The following PSMB4 variants were observed in gnomAD, a reference collection of about 807,000 sequenced individuals.
PSMB4 encodes the protein proteasome 20S subunit beta 4.
A neutral mutation model predicts 35.2 loss-of-function variants in PSMB4; 16 were observed. The observed-to-expected ratio is 0.45, with a 90% CI of 0.31 to 0.69. PSMB4 has a LOEUF of 0.69. Among genes scored for constraint, PSMB4 ranks in the 30% least tolerant of loss-of-function variants. PSMB4 has a pLI of 0.06. For synonymous variants in PSMB4, 144 were observed against 134.1 expected, an observed-to-expected ratio of 1.07 and a Z score of -0.51; for missense variants, 333 against 351.8, an observed-to-expected ratio of 0.95 and a Z score of 0.43.
At position 151,401,553 on chromosome 1, in the gene PSMB4, C is replaced by T. The variant is rs116353887; in HGVS notation, c.705C>T (p.Ala235=). The T allele has an allele frequency of 1.0e-4, 162 of 1,611,254 alleles. No homozygotes were observed. In the African/African-American group the frequency reaches 1.6e-3, roughly 16 times the overall value. ...DARSYNRFQI[A]TVTEKGVEIE... Reference sequence around the variant, plus strand: ...CTGCTTTCTTCCAGTTTCAAATCGCCACTGTCACCGAAAAAGGTGTTGAAA... The same window carrying T: ...CTGCTTTCTTCCAGTTTCAAATCGCTACTGTCACCGAAAAAGGTGTTGAAA... The change falls in exon 6 of 7, where the codon GCC becomes GCT. Residue 235 remains alanine (A), a synonymous_variant. Transcript: ENST00000290541.
chr1:151,401,133 G>A (rs1440396319), intron 4 of PSMB4, 106 bp from the exon 5 acceptor site: 2 of 1,005,136 alleles, frequency 2.0e-6, no homozygotes, highest in Non-Finnish European at 3.1e-6. Context: ...GAGGCAAGAA[G>A]TAGAATGTCA....
chr1:151,401,314 A>G lies in PSMB4; in HGVS notation c.652A>G (p.Met218Val), dbSNP rs115063024. The G allele has an allele frequency of 3.0e-5, 48 of 1,614,064 alleles. No homozygotes were observed. In the East Asian group the frequency reaches 1.0e-3, roughly 34 times the overall value. ...GGCCCGCGACTTAGTAGAACGCTGC[A>G]TGCGAGTGCTGTACTACCGAGATGC... ...TEARDLVERC[M>V]RVLYYRDARS... The change falls in exon 5 of 7, where the codon ATG (methionine) becomes GTG (valine). Residue 218 changes from methionine to valine, a missense_variant. Met to Val is a conservative substitution (Grantham distance 21). Coordinates refer to ENST00000290541, the MANE Select transcript of PSMB4 (RefSeq NM_002796.3).
At chr1:151,401,127 C>T in intron 4 of PSMB4, 112 bp from the exon 5 acceptor site, 1 of 971,954 alleles carries the variant, frequency 1.0e-6, no homozygotes, top group Non-Finnish European at 1.6e-6. Context: ...TCTGGTGAGG[C>T]AAGAAGTAGA....
chr1:151,401,338 G>A lies in PSMB4; in HGVS notation c.676G>A (p.Ala226Thr), dbSNP rs1345813629. 1 of 1,614,098 alleles carries A rather than the reference G, an allele frequency of 6.2e-7. No homozygotes were observed. Among genetic ancestry groups the A allele is most frequent in the South Asian group, 1.1e-5 (1 of 91,080 alleles). Residue 226 changes from alanine to threonine, a missense_variant, in exon 5 of 7, where the codon GCC becomes ACC. Transcript: ENST00000290541. ...CATGCGAGTGCTGTACTACCGAGATGCCCGTTCTTACAACCGGGTGAGGGA... is the reference window on the plus strand; with the variant it reads ...CATGCGAGTGCTGTACTACCGAGATACCCGTTCTTACAACCGGGTGAGGGA... ...RCMRVLYYRD[A>T]RSYNRFQIAT... is the part of the protein sequence containing the mutation.
chr1:151,401,897 T>TA lies in PSMB4; in HGVS notation c.*69dup, dbSNP rs1223899711. On this transcript the variant is annotated 3_prime_UTR_variant, in exon 7 of 7. Coordinates refer to ENST00000290541, the MANE Select transcript of PSMB4 (RefSeq NM_002796.3). ...ACTTTGAACTTGGCTAGTTCAAAGATAGACTCTTCTTTTGTAAAGTAAATA... is the reference window on the plus strand; with the variant it reads ...ACTTTGAACTTGGCTAGTTCAAAGATAAGACTCTTCTTTTGTAAAGTAAATA... 2.2e-5 allele frequency: 32 copies of TA among 1,423,556 alleles called. No homozygotes were observed. The African/African-American group carries it at 2.7e-4, about 12-fold the overall frequency. The allele number at this position is 1,423,556 out of a possible 1,614,324, so 88.2% of individuals were successfully genotyped here.
intron 2 of PSMB4, 76 bp downstream of exon 2, chr1:151,400,263 G>A: frequency 6.6e-7 from 1 of 1,516,288 alleles, no homozygotes; most frequent in Non-Finnish European, 9.1e-7. Flanking sequence ...CCTTCGATGG[G>A]ATGGGGGGAC....
chr1:151,400,122 C>T lies in PSMB4; in HGVS notation c.282C>T (p.Thr94=), dbSNP rs1652763090. 1 of 1,614,052 alleles carries T rather than the reference C, an allele frequency of 6.2e-7. No homozygotes were observed. The change falls in exon 2 of 7, where the codon ACC becomes ACT. Residue 94 remains threonine, a synonymous_variant. Transcript: ENST00000290541. ...GCATTATGCGAGTCAACAACAGTACCATGCTGGGTGCCTCTGGCGACTACG... is the reference window on the plus strand; with the variant it reads ...GCATTATGCGAGTCAACAACAGTACTATGCTGGGTGCCTCTGGCGACTACG... ...ISRIMRVNNS[T]MLGASGDYAD... is the part of the protein sequence containing the mutation.
chr1:151,401,418 T>C, intron 5 of PSMB4, 63 bp downstream of exon 5: 5 of 1,557,318 alleles, frequency 3.2e-6, no homozygotes, highest in African/African-American at 1.4e-5. Flanking sequence ...TGGGTCTCTA[T>C]GCTTTGAAGA....
chr1:151,401,089 C>T, intron 4 of PSMB4, 150 bp from the exon 5 acceptor site: 1 of 812,078 alleles, frequency 1.2e-6, no homozygotes, highest in African/African-American at 1.7e-5. Context: ...TGAAGTGGCT[C>T]TTAGCTTATT....
At position 151,401,308 on chromosome 1, in the gene PSMB4, C is replaced by A. The variant is rs770774786; in HGVS notation, c.646C>A (p.Arg216Ser). Residue 216 changes from arginine to serine, a missense_variant, in exon 5 of 7, where the codon CGC (arginine) becomes AGC (serine). Transcript: ENST00000290541. ...SQTEARDLVE[R>S]CMRVLYYRDA... is the part of the protein sequence containing the mutation. The stretch of plus-strand genomic sequence containing the variant: ...GACCGAGGCCCGCGACTTAGTAGAA[C>A]GCTGCATGCGAGTGCTGTACTACCG... The A allele has an allele frequency of 1.2e-6, 2 of 1,614,004 alleles. No homozygotes were observed. Among genetic ancestry groups the A allele is most frequent in the Non-Finnish European group, 1.7e-6 (2 of 1,180,038 alleles).
chr1:151,401,676 GCTTACA>G lies in PSMB4; in HGVS notation c.782+49_782+54del, dbSNP rs3831141. On this transcript the variant is annotated intron_variant, in intron 6 of 6. Coordinates refer to ENST00000290541, the MANE Select transcript of PSMB4 (RefSeq NM_002796.3). ...TGGTGACAGACTTGGGAGGTCTTTGGCTTACACTAAGCTGGGCTTTTCTGGGAGGCT... is the reference window on the plus strand; with the variant it reads ...TGGTGACAGACTTGGGAGGTCTTTGGCTAAGCTGGGCTTTTCTGGGAGGCT... 65,211 of 1,556,850 alleles carry G rather than the reference GCTTACA, an allele frequency of 0.042. 9,080 individuals are homozygous for G. The East Asian group carries it at 0.45, about 11-fold the overall frequency.
intron 4 of PSMB4, 187 bp from the exon 5 acceptor site, chr1:151,401,052 A>G (rs1174610203): frequency 1.2e-5 from 9 of 760,394 alleles, no homozygotes; most frequent in South Asian, 9.6e-5. Flanking sequence ...TAGACATGCA[A>G]AGAGAGGACA....
rs1557855247 is a variant in PSMB4, at chr1:151,401,340, C to G, written c.678C>G (p.Ala226=). 1.2e-6 allele frequency: 2 copies of G among 1,614,118 alleles called. No homozygotes were observed. The highest frequency in any genetic ancestry group is 1.1e-5 in the South Asian group (1 of 91,070). ...TGCGAGTGCTGTACTACCGAGATGCCCGTTCTTACAACCGGGTGAGGGATG... is the reference window on the plus strand; with the variant it reads ...TGCGAGTGCTGTACTACCGAGATGCGCGTTCTTACAACCGGGTGAGGGATG... ...RCMRVLYYRD[A]RSYNRFQIAT... The change falls in exon 5 of 7, where the codon GCC becomes GCG. Residue 226 remains alanine (A), a synonymous_variant. Coordinates refer to ENST00000290541, the MANE Select transcript of PSMB4 (RefSeq NM_002796.3).
chr1:151,400,992 G>C (rs924594891), intron 4 of PSMB4, 147 bp downstream of exon 4: 1 of 874,194 alleles, frequency 1.1e-6, no homozygotes, highest in African/African-American at 1.7e-5. Flanking sequence ...TCTGGGGGCT[G>C]TAGGTGTTGA....
rs776631108 is a variant in PSMB4 at position 151,400,090 on chromosome 1, ATC to A, written c.255_256del (p.Arg86HisfsTer18). 6.2e-7 allele frequency: 1 copy of A among 1,614,122 alleles called. No homozygotes were observed. Among genetic ancestry groups the A allele is most frequent in the Non-Finnish European group, 8.5e-7 (1 of 1,180,024 alleles). On this transcript the variant is annotated frameshift_variant, in exon 2 of 7. Transcript: ENST00000290541. LOFTEE classifies it high-confidence loss of function. ...SYGSLARFRN[I>X]SRIMRVNNST... ...CGGCTCCTTGGCTCGTTTCCGCAAC[ATC>A]TCTCGCATTATGCGAGTCAACAACA...
At chr1:151,401,413 C>T in intron 5 of PSMB4, 58 bp downstream of exon 5, 1 of 1,565,540 alleles carries the variant, frequency 6.4e-7, no homozygotes, top group Non-Finnish European at 8.8e-7. Context: ...ATCCCTGGGT[C>T]TCTATGCTTT....
chr1:151,400,797 C>G lies in PSMB4; in HGVS notation c.528C>G (p.Ala176=), dbSNP rs1179593488. 1.9e-6 allele frequency: 3 copies of G among 1,613,988 alleles called. No individual in the cohort carries two copies. Among genetic ancestry groups the G allele is most frequent in the Non-Finnish European group, 2.5e-6 (3 of 1,180,016 alleles). ...FLGYVDMLGV[A]YEAPSLATGY... is the part of the protein sequence containing the mutation. Reference sequence around the variant, plus strand: ...GTTATGTGGACATGCTTGGTGTAGCCTATGAAGCCCCTTCGCTGGCCACTG... The same window carrying G: ...GTTATGTGGACATGCTTGGTGTAGCGTATGAAGCCCCTTCGCTGGCCACTG... Residue 176 remains alanine (A), a synonymous_variant, in exon 4 of 7, where the codon GCC becomes GCG. Transcript: ENST00000290541.
intron 1 of PSMB4, 93 bp downstream of exon 1, chr1:151,399,820 G>A (rs1252865860): frequency 6.3e-7 from 1 of 1,599,314 alleles, no homozygotes; most frequent in African/African-American, 1.3e-5. Flanking sequence ...GTGAGGCGGG[G>A]ACCCCGGGGG....
In PSMB4 at chr1:151,401,253, A is replaced by C. The variant is rs539703644; in HGVS notation, c.591A>C (p.Glu197Asp). 2 of 1,614,078 alleles carry C rather than the reference A, an allele frequency of 1.2e-6. No homozygotes were observed. Among genetic ancestry groups the C allele is most frequent in the African/African-American group, 2.7e-5 (2 of 75,016 alleles). Residue 197 changes from glutamate to aspartate, a missense_variant, in exon 5 of 7, where the codon GAA becomes GAC. Coordinates refer to ENST00000290541, the MANE Select transcript of PSMB4 (RefSeq NM_002796.3). ...AATCTCCCTAGCCTCTGCTGCGAGA[A>C]GTTCTGGAGAAGCAGCCAGTGCTAA... ...GAYLAQPLLREVLEKQPVLSQ... is the reference protein window; with the variant it reads ...GAYLAQPLLRDVLEKQPVLSQ...
Sources: allele counts gnomAD v4.1 joint callset, GRCh38; gene constraint gnomAD v4.1.1; transcripts MANE v1.5; gene names NCBI Gene and HGNC (gene_info 2026-07-23, HGNC 2026-07-21).